ZNF208: variants seen among roughly 807,000 people sequenced by gnomAD.
The protein encoded by ZNF208 is zinc finger protein 208, also known as zinc finger protein 95.
ZNF208 carries 10 observed loss-of-function variants against 12.1 expected under a neutral mutation model. That is an observed-to-expected ratio of 0.83 (90% CI 0.51 to 1.40). ZNF208 has a LOEUF of 1.40. ZNF208 is among the 40% of genes most tolerant of loss of function. The probability of loss-of-function intolerance (pLI) is 0.00; values close to 1 mark genes in which losing one functional copy is unlikely to be tolerated. For missense variants in ZNF208, 1,652 were observed against 1,485.0 expected, an observed-to-expected ratio of 1.11 and a Z score of -1.85; for synonymous variants, 497 against 488.4, an observed-to-expected ratio of 1.02 and a Z score of -0.23.
intron 1 of ZNF208, among the ~76,000 whole-genome samples, chr19:22,001,942 A>AAAAAAAAAAAT (rs1970961962): frequency 6.7e-6 from 1 of 149,686 alleles, no homozygotes; most frequent in Non-Finnish European, 1.5e-5. Flanking sequence ...AAGAAAAGAA[A>AAAAAAAAAAAT]TCTTCAACAA....
chr19:21,967,327 G>C lies in ZNF208; in HGVS notation c.*3864C>G, dbSNP rs1181119711. The C allele has an allele frequency of 6.6e-6, 1 of 151,642 alleles. No individual in the cohort carries two copies. Among genetic ancestry groups the C allele is most frequent in the African/African-American group, 2.4e-5 (1 of 41,262 alleles). The allele number at this position is 151,642 out of a possible 1,614,324, so 9.4% of individuals were successfully genotyped here. Reference sequence around the variant, plus strand: ...GTTAATTCCCCTTTTGTTTATTTCTGTTGGCTTTGTAAAAATAACCTGATT... The same window carrying C: ...GTTAATTCCCCTTTTGTTTATTTCTCTTGGCTTTGTAAAAATAACCTGATT... On this transcript the variant is annotated 3_prime_UTR_variant, in exon 4 of 4. Coordinates refer to ENST00000397126, the MANE Select transcript of ZNF208 (RefSeq NM_007153.3).
rs373937489 is a variant in ZNF208 at position 21,972,251 on chromosome 19, C to T, written c.2783G>A (p.Trp928Ter). The T allele has an allele frequency of 4.3e-6, 7 of 1,612,982 alleles. No individual in the cohort carries two copies. In the African/African-American group the frequency reaches 6.7e-5, roughly 15 times the overall value. The change falls in exon 4 of 4, where the codon TGG becomes TAG. Residue 928 changes from tryptophan to a stop codon, truncating the protein, a stop_gained. Transcript: ENST00000397126. LOFTEE classifies it low-confidence loss of function (END_TRUNC). Reference protein sequence around the residue: ...KCEECGKAFSWLSVFSKHKKT... With the variant: ...KCEECGKAFS The stretch of plus-strand genomic sequence containing the variant: ...CTTATGTTTACTAAAGACTGACAAC[C>T]AGCTGAAGGCTTTGCCACATTCTTC...
Position 21,971,962 on chromosome 19 carries a change from A to G in ZNF208, c.3072T>C (p.Thr1024=), listed in dbSNP as rs779981371. 20 of 1,576,354 alleles carry G rather than the reference A, an allele frequency of 1.3e-5. No homozygotes were observed. The highest frequency in any genetic ancestry group is 1.7e-5 in the Non-Finnish European group (20 of 1,156,514). Residue 1024 remains threonine, a synonymous_variant, in exon 4 of 4, where the codon ACT becomes ACC. Transcript: ENST00000397126. ...SNLMEHKKIH[T]GETPYKCEEC... Reference sequence around the variant, plus strand: ...CTTCACATTTGTAGGGTGTCTCTCCAGTGTGAATTTTCTTATGTTCCATAA... The same window carrying G: ...CTTCACATTTGTAGGGTGTCTCTCCGGTGTGAATTTTCTTATGTTCCATAA...
rs542784982 is a variant in ZNF208, at chr19:21,992,787, A to G, written c.4-3878T>C. Among the ~76,000 whole-genome samples the G allele has an allele frequency of 2.6e-5, 4 of 152,310 alleles. No individual in the cohort carries two copies. In the South Asian group the frequency reaches 8.3e-4, roughly 32 times the overall value. On this transcript the variant is annotated intron_variant, in intron 1 of 3. Transcript: ENST00000397126. Reference sequence around the variant, plus strand: ...TATATATTTTTCAGAGACTTTGATTATTGTCAGAATTTTTTCAAATAGTTA... The same window carrying G: ...TATATATTTTTCAGAGACTTTGATTGTTGTCAGAATTTTTTCAAATAGTTA...
In ZNF208 at chr19:21,966,832, T is replaced by C. The variant is rs558826032; in HGVS notation, c.*4359A>G. The C allele has an allele frequency of 1.5e-4, 23 of 152,312 alleles. No individual in the cohort carries two copies. Among genetic ancestry groups the C allele is most frequent in the South Asian group, 1.0e-3 (5 of 4,828 alleles). 9.4% of individuals were successfully genotyped at this position (152,312 alleles called of 1,614,324 possible). ...ATAGTATCACACTGTCACTTTGATT[T>C]ACATCTTTCTGATAATTAGGAACGT... is the stretch of plus-strand genomic sequence containing the variant. On this transcript the variant is annotated 3_prime_UTR_variant, in exon 4 of 4. Coordinates refer to ENST00000397126, the MANE Select transcript of ZNF208 (RefSeq NM_007153.3).
intron 1 of ZNF208, among the ~76,000 whole-genome samples, chr19:21,991,215 C>T (rs534817261): frequency 3.9e-5 from 6 of 152,126 alleles, no homozygotes; most frequent in South Asian, 4.2e-4. Flanking sequence ...CAGTTTTTGC[C>T]GATTCAGTAT....
chr19:21,982,370 A>C (rs1970557645), intron 3 of ZNF208, among the ~76,000 whole-genome samples: 1 of 151,700 alleles, frequency 6.6e-6, no homozygotes, highest in Non-Finnish European at 1.5e-5. Flanking sequence ...AAAAAAAAAA[A>C]AAAAAGGAAG....
At chr19:21,975,504 T>C (rs979993641) in intron 3 of ZNF208, among the ~76,000 whole-genome samples, 4 of 152,144 alleles carry the variant, frequency 2.6e-5, no homozygotes, top group African/African-American at 7.2e-5. Context: ...ACCCAGACCA[T>C]TGTTTTCTGA....
chr19:21,997,262 T>C (rs987668574), intron 1 of ZNF208, among the ~76,000 whole-genome samples: 4 of 152,204 alleles, frequency 2.6e-5, no homozygotes, highest in African/African-American at 9.6e-5. Flanking sequence ...TCATACATAG[T>C]TCATCCTAAA....
At chr19:21,954,734 AG>A (rs2145520349) in intron 4 of ZNF208, among the ~76,000 whole-genome samples, 1 of 152,262 alleles carries the variant, frequency 6.6e-6, no homozygotes, top group African/African-American at 2.4e-5. Flanking sequence ...GTGTCTCTGC[AG>A]GTGAGATGGG....
intron 4 of ZNF208, among the ~76,000 whole-genome samples, chr19:21,946,105 A>T (rs1568432560): frequency 6.6e-6 from 1 of 152,226 alleles, no homozygotes; most frequent in Non-Finnish European, 1.5e-5. Flanking sequence ...CTCCCAGGAA[A>T]AAGTTTTTTC....
chr19:21,979,241 C>T (rs540531950), intron 3 of ZNF208, among the ~76,000 whole-genome samples: 1 of 152,250 alleles, frequency 6.6e-6, no homozygotes, highest in South Asian at 2.1e-4. Flanking sequence ...CACAAAGATG[C>T]TCCTCGAGAA....
chr19:21,964,704 G>T (rs1970134515), downstream of ZNF208, among the ~76,000 whole-genome samples: 1 of 151,626 alleles, frequency 6.6e-6, no homozygotes, highest in Admixed American at 6.6e-5. Flanking sequence ...TTATTACATA[G>T]AAAATTTGTG....
rs759635349 is a variant in ZNF208 at position 21,968,813 on chromosome 19, G to A, written c.*2378C>T. Among the ~76,000 whole-genome samples, 4 of 151,946 alleles carry A rather than the reference G, an allele frequency of 2.6e-5. No homozygotes were observed. The highest frequency in any genetic ancestry group is 2.9e-5 in the Non-Finnish European group (2 of 67,986). On this transcript the variant is annotated 3_prime_UTR_variant, in exon 4 of 4. Coordinates refer to ENST00000397126, the MANE Select transcript of ZNF208 (RefSeq NM_007153.3). The stretch of plus-strand genomic sequence containing the variant: ...TTCGCTGTGATTTCATATGATCCAG[G>A]GCTTTTTATGGTTAGTAGGTTTATT...
chr19:21,960,900 A>C (rs552589188), intron 4 of ZNF208, among the ~76,000 whole-genome samples: 1 of 152,302 alleles, frequency 6.6e-6, no homozygotes, highest in South Asian at 2.1e-4. Context: ...GCAGAAAAGA[A>C]AGCAACCCTA....
chr19:21,985,383 C>G (rs1970615306), intron 3 of ZNF208, among the ~76,000 whole-genome samples: 1 of 152,134 alleles, frequency 6.6e-6, no homozygotes, highest in Non-Finnish European at 1.5e-5. Context: ...TTAAGACCAA[C>G]CTGGGTTATG....
chr19:21,972,518 C>T lies in ZNF208; in HGVS notation c.2516G>A (p.Gly839Asp). Reference protein sequence around the residue: ...GEKPYKCKECGKAFSKFSILT... With the variant: ...GEKPYKCKECDKAFSKFSILT... ...GATTGAGAACTTACTAAAGGCTTTG[C>T]CACATTCTTTACATTTGTAGGGCTT... Residue 839 changes from glycine to aspartate, a missense_variant, in exon 4 of 4, where the codon GGC becomes GAC. Transcript: ENST00000397126. The T allele has an allele frequency of 6.2e-7, 1 of 1,612,650 alleles. No homozygotes were observed. The highest frequency in any genetic ancestry group is 8.5e-7 in the Non-Finnish European group (1 of 1,179,750).
intron 4 of ZNF208, among the ~76,000 whole-genome samples, chr19:21,953,219 G>T (rs1357610790): frequency 1.3e-5 from 2 of 152,184 alleles, no homozygotes; most frequent in African/African-American, 4.8e-5. Context: ...GGGGAGAATG[G>T]AACCAAGTAG....
At chr19:22,007,285 C>A (rs1426524312) in intron 1 of ZNF208, among the ~76,000 whole-genome samples, 1 of 151,692 alleles carries the variant, frequency 6.6e-6, no homozygotes, top group Non-Finnish European at 1.5e-5. Flanking sequence ...TTTAGGAGGC[C>A]GAGGCAGGTG....
Sources: allele counts gnomAD v4.1 joint callset (sites outside exome capture counted in the v4.1 genomes callset), GRCh38; gene constraint gnomAD v4.1.1; transcripts MANE v1.5; gene names NCBI Gene and HGNC (gene_info 2026-07-23, HGNC 2026-07-21).